Variants in PPFIA2 observed in about 807,000 individuals in gnomAD.
The protein encoded by PPFIA2 is liprin-alpha-2.
In PPFIA2, 46 loss-of-function variants were observed where a neutral mutation model predicts 175.5. The ratio of observed to expected loss-of-function variants is 0.26; its 90% confidence interval spans 0.21 to 0.34. PPFIA2 has a LOEUF of 0.34. Ranked by LOEUF, PPFIA2 falls within the 10% of genes least tolerant of loss-of-function variation. PPFIA2 has a pLI of 1.00. For synonymous variants in PPFIA2, 568 were observed against 511.4 expected, an observed-to-expected ratio of 1.11 and a Z score of -1.49; for missense variants, 1,179 against 1,506.1, an observed-to-expected ratio of 0.78 and a Z score of 3.60.
intron 21 of PPFIA2, among the ~76,000 whole-genome samples, chr12:81,334,663 T>C (rs763286297): frequency 3.9e-5 from 6 of 152,180 alleles, no homozygotes; most frequent in Admixed American, 2.0e-4. Flanking sequence ...CTTCATTTCA[T>C]TCATTTTCTC....
At chr12:81,440,601 C>T (rs1420216544) in intron 6 of PPFIA2, among the ~76,000 whole-genome samples, 1 of 151,934 alleles carries the variant, frequency 6.6e-6, no homozygotes, top group Non-Finnish European at 1.5e-5. Flanking sequence ...TTGTAAACTA[C>T]TTAAGTATCT....
chr12:81,663,361 C>G (rs546637590), intron 4 of PPFIA2, among the ~76,000 whole-genome samples: 59 of 152,172 alleles, frequency 3.9e-4, no homozygotes, highest in African/African-American at 1.3e-3. Flanking sequence ...CAAAATCAAT[C>G]TGCAAAAATC....
chr12:81,427,360 T>C (rs2047321248), intron 7 of PPFIA2, among the ~76,000 whole-genome samples: 1 of 152,090 alleles, frequency 6.6e-6, no homozygotes, highest in Non-Finnish European at 1.5e-5. Context: ...ATGCTAGTAA[T>C]AATTATCCTT....
At chr12:81,401,746 A>G (rs1215642697) in intron 8 of PPFIA2, among the ~76,000 whole-genome samples, 1 of 152,212 alleles carries the variant, frequency 6.6e-6, no homozygotes, top group Non-Finnish European at 1.5e-5. Flanking sequence ...TTACAAGAGT[A>G]GCATGTTTAC....
intron 7 of PPFIA2, among the ~76,000 whole-genome samples, chr12:81,438,596 TG>T (rs1362610192): frequency 2.0e-5 from 3 of 152,242 alleles, no homozygotes; most frequent in Non-Finnish European, 4.4e-5. Flanking sequence ...AACATTATCT[TG>T]TTATAAATCC....
intron 3 of PPFIA2, among the ~76,000 whole-genome samples, chr12:81,717,471 T>G (rs1393463917): frequency 6.6e-6 from 1 of 151,644 alleles, no homozygotes; most frequent in East Asian, 1.9e-4. Context: ...TTAATTGAAT[T>G]GTAAGATGCT....
chr12:81,516,110 A>T (rs1046740044), intron 4 of PPFIA2, among the ~76,000 whole-genome samples: 26 of 152,082 alleles, frequency 1.7e-4, no homozygotes, highest in Non-Finnish European at 3.2e-4. Context: ...AGAGTAGAAG[A>T]GTGGAAAAGC....
chr12:81,422,586 A>G (rs1284595410), intron 7 of PPFIA2, among the ~76,000 whole-genome samples: 5 of 152,088 alleles, frequency 3.3e-5, no homozygotes, highest in Admixed American at 6.6e-5. Context: ...TAAACAAGTC[A>G]CTTCTTACAT....
At chr12:81,726,267 T>C (rs1363377662) in intron 3 of PPFIA2, among the ~76,000 whole-genome samples, 1 of 151,294 alleles carries the variant, frequency 6.6e-6, no homozygotes, top group Non-Finnish European at 1.5e-5. Context: ...CACAAATGTA[T>C]GGTTCTCAAA....
At chr12:81,527,493 T>C (rs1038587353) in intron 4 of PPFIA2, among the ~76,000 whole-genome samples, 1 of 152,018 alleles carries the variant, frequency 6.6e-6, no homozygotes, top group East Asian at 1.9e-4. Context: ...CATGAACACA[T>C]CCTCCCCTCC....
At chr12:81,278,606 A>G (rs1192568478) in intron 27 of PPFIA2, among the ~76,000 whole-genome samples, 3 of 152,204 alleles carry the variant, frequency 2.0e-5, no homozygotes, top group African/African-American at 4.8e-5. Flanking sequence ...AGATGGAGAA[A>G]TAAGTAATCA....
chr12:81,498,237 A>C (rs542572739), intron 4 of PPFIA2, among the ~76,000 whole-genome samples: 2 of 152,342 alleles, frequency 1.3e-5, no homozygotes, highest in Non-Finnish European at 2.9e-5. Flanking sequence ...ATCATGGTAC[A>C]TCTATCAAAT....
chr12:81,446,415 C>A (rs532502439), intron 5 of PPFIA2, among the ~76,000 whole-genome samples: 1 of 152,136 alleles, frequency 6.6e-6, no homozygotes. Flanking sequence ...GCTTTACACT[C>A]TTAGCTTTTG....
chr12:81,721,486 T>C (rs1181748738), intron 3 of PPFIA2, among the ~76,000 whole-genome samples: 2 of 150,308 alleles, frequency 1.3e-5, no homozygotes, highest in Non-Finnish European at 3.0e-5. Flanking sequence ...TACACACACA[T>C]ATGCATACAT....
chr12:81,647,437 C>T (rs915129567), intron 4 of PPFIA2, among the ~76,000 whole-genome samples: 5 of 151,978 alleles, frequency 3.3e-5, no homozygotes, highest in East Asian at 1.9e-4. Context: ...AGAGGAAAAG[C>T]GTAACCAGAA....
chr12:81,371,379 T>C (rs1034411863), intron 11 of PPFIA2, among the ~76,000 whole-genome samples: 5 of 151,726 alleles, frequency 3.3e-5, no homozygotes, highest in Non-Finnish European at 7.4e-5. Context: ...AAGATATCTG[T>C]GATCCTTCAA....
At chr12:81,373,575 C>T (rs1836956722) in intron 11 of PPFIA2, among the ~76,000 whole-genome samples, 1 of 152,040 alleles carries the variant, frequency 6.6e-6, no homozygotes, top group Non-Finnish European at 1.5e-5. Flanking sequence ...CTCCAACACT[C>T]TGTAAACAAG....
intron 6 of PPFIA2, among the ~76,000 whole-genome samples, chr12:81,440,806 AT>A (rs978235976): frequency 2.7e-5 from 4 of 146,630 alleles, no homozygotes; most frequent in African/African-American, 1.0e-4. Context: ...ATCTATATAT[AT>A]GTCCTGATAT....
intron 28 of PPFIA2, among the ~76,000 whole-genome samples, chr12:81,274,222 T>C (rs915502314): frequency 2.6e-5 from 4 of 152,164 alleles, no homozygotes; most frequent in Non-Finnish European, 4.4e-5. Context: ...AAACACACCG[T>C]TTTTTAAAAA....
Sources: gnomAD v4.1 joint callset for allele counts (sites outside exome capture counted in the v4.1 genomes callset) on GRCh38, gnomAD v4.1.1 for gene constraint, MANE v1.5 for transcripts, NCBI Gene and HGNC (gene_info 2026-07-23, HGNC 2026-07-21) for gene names.